The following CCL26 variants were observed in gnomAD, a reference collection of about 807,000 sequenced individuals.
CCL26 encodes C-C motif chemokine 26.
A neutral mutation model predicts 10.7 loss-of-function variants in CCL26; 10 were observed. The ratio of observed to expected loss-of-function variants is 0.93; its 90% CI spans 0.57 to 1.58. The LOEUF (loss-of-function observed/expected upper bound fraction) is 1.58, where lower values mean the gene tolerates loss of function less well. Among genes scored for constraint, CCL26 ranks in the 40% most tolerant of loss-of-function variants. The pLI is 0.00. For synonymous variants in CCL26, 43 were observed against 41.4 expected, an observed-to-expected ratio of 1.04 and a Z score of -0.15; for missense variants, 116 against 111.0, an observed-to-expected ratio of 1.05 and a Z score of -0.20.
At chr7:75,785,014 A>G (rs1309161779) in intron 1 of CCL26, among the ~76,000 whole-genome samples, 2 of 152,038 alleles carry the variant, frequency 1.3e-5, no homozygotes, top group Admixed American at 6.6e-5. Flanking sequence ...CAATTTCCCC[A>G]TTTTACCTGT....
chr7:75,786,947 G>T (rs1358118823), intron 1 of CCL26, among the ~76,000 whole-genome samples: 1 of 152,190 alleles, frequency 6.6e-6, no homozygotes, highest in Admixed American at 6.5e-5. Context: ...CATTTATCAG[G>T]GTTCCATCTG....
intron 1 of CCL26, among the ~76,000 whole-genome samples, chr7:75,786,894 C>G (rs573146216): frequency 1.4e-3 from 207 of 152,300 alleles, no homozygotes; most frequent in African/African-American, 4.8e-3. Context: ...CTCTTAGAAA[C>G]TCTCATTTCC....
At chr7:75,776,078 T>C, upstream of CCL26, among the ~76,000 whole-genome samples, 1 of 148,058 alleles carries the variant, frequency 6.8e-6, no homozygotes, top group Admixed American at 6.7e-5. Context: ...CTTTTTTTTT[T>C]TTTTTTTTTT....
intron 2 of CCL26, 30 bp from the exon 3 acceptor site, chr7:75,769,819 AT>A (rs1431177692): frequency 3.6e-6 from 5 of 1,375,138 alleles, no homozygotes; most frequent in Non-Finnish European, 5.2e-6. Flanking sequence ...ATAAGTCAAT[AT>A]TGAGACTCTT....
In CCL26 at chr7:75,771,989, A is replaced by G. The variant is rs1479982149; in HGVS notation, c.88T>C (p.Ser30Pro). 1 of 1,613,644 alleles carries G rather than the reference A, an allele frequency of 6.2e-7. No individual in the cohort carries two copies. Among genetic ancestry groups the G allele is most frequent in the East Asian group, 2.2e-5 (1 of 44,886 alleles). Residue 30 changes from serine (S) to proline (P), a missense_variant, in exon 2 of 3, where the codon TCC becomes CCC. Ser to Pro is a moderately conservative substitution (Grantham distance 74). Coordinates refer to ENST00000005180, the MANE Select transcript of CCL26 (RefSeq NM_001371938.1). ...LGTATRGSDI[S>P]KTCCFQYSHK... is the part of the protein sequence containing the mutation. ...CTGTATTGGAAGCAGCAGGTCTTGGATATGTCACTCCCACCTAAAAATCAG... is the reference window on the plus strand; with the variant it reads ...CTGTATTGGAAGCAGCAGGTCTTGGGTATGTCACTCCCACCTAAAAATCAG...
At chr7:75,770,393 T>A (rs1554527962) in intron 2 of CCL26, among the ~76,000 whole-genome samples, 14 of 151,404 alleles carry the variant, frequency 9.2e-5, no homozygotes. Flanking sequence ...ATTTTTTATT[T>A]TTTTTGAGAC....
At chr7:75,785,596 C>A (rs782398242) in intron 1 of CCL26, among the ~76,000 whole-genome samples, 1 of 152,186 alleles carries the variant, frequency 6.6e-6, no homozygotes, top group Non-Finnish European at 1.5e-5. Flanking sequence ...CCAACACCTT[C>A]TACTTAACAA....
At chr7:75,773,396 C>G (rs1802872216), upstream of CCL26, among the ~76,000 whole-genome samples, 1 of 151,658 alleles carries the variant, frequency 6.6e-6, no homozygotes, top group Non-Finnish European at 1.5e-5. Flanking sequence ...TGCACTCCAG[C>G]CTGGGCGACA....
intron 1 of CCL26, among the ~76,000 whole-genome samples, chr7:75,786,371 C>T (rs564481938): frequency 1.6e-4 from 24 of 152,236 alleles, no homozygotes; most frequent in African/African-American, 4.8e-4. Flanking sequence ...TTGAGGCTAC[C>T]GCTCTGCCTC....
At position 75,769,656 on chromosome 7, in the gene CCL26, C is replaced by T. The variant is rs781808680; in HGVS notation, c.*37G>A. On this transcript the variant is annotated 3_prime_UTR_variant, in exon 3 of 3. Transcript: ENST00000005180. The stretch of plus-strand genomic sequence containing the variant: ...CCCCAGAGGGCTGCAGAGCCAAGAG[C>T]GGGGTCCAAGCGTCCTCGGATGAAA... 7.3e-7 allele frequency: 1 copy of T among 1,367,238 alleles called. No homozygotes were observed. The highest frequency in any genetic ancestry group is 1.4e-5 in the African/African-American group (1 of 70,228). The allele number at this position is 1,367,238 out of a possible 1,614,324, so 84.7% of individuals were successfully genotyped here.
intron 1 of CCL26, 27 bp downstream of exon 1, chr7:75,772,077 C>G (rs562999632): frequency 6.2e-7 from 1 of 1,606,948 alleles, no homozygotes; most frequent in African/African-American, 1.3e-5. Context: ...GAAGGAACCC[C>G]AGGAGGGGAA....
At chr7:75,771,724 GAA>G (rs549524044) in intron 2 of CCL26, among the ~76,000 whole-genome samples, 163 bp downstream of exon 2, 1 of 151,078 alleles carries the variant, frequency 6.6e-6, no homozygotes, top group African/African-American at 2.4e-5. Flanking sequence ...CTCAAAAAGA[GAA>G]AAAAAAAGTC....
upstream of CCL26, among the ~76,000 whole-genome samples, chr7:75,776,068 CTTTTT>C (rs534170968): frequency 0.014 from 1,439 of 99,616 alleles, 19 homozygotes; most frequent in African/African-American, 0.04. Context: ...AGTTCACACT[CTTTTT>C]TTTTTTTTTT....
intron 1 of CCL26, among the ~76,000 whole-genome samples, chr7:75,787,338 T>C (rs1325548930): frequency 6.6e-6 from 1 of 152,116 alleles, no homozygotes; most frequent in Non-Finnish European, 1.5e-5. Context: ...AACGGACTAA[T>C]GGTTTTTTAA....
chr7:75,775,750 G>A (rs1023179738), upstream of CCL26, among the ~76,000 whole-genome samples: 4 of 152,198 alleles, frequency 2.6e-5, no homozygotes, highest in African/African-American at 9.6e-5. Context: ...GACTGCTGAA[G>A]GGATACGGGG....
At chr7:75,788,304 T>A (rs1803247528) in intron 1 of CCL26, among the ~76,000 whole-genome samples, 1 of 152,092 alleles carries the variant, frequency 6.6e-6, no homozygotes, top group Admixed American at 6.6e-5. Flanking sequence ...CATTACCTTG[T>A]GAAATTCCTT....
At chr7:75,772,223 G>T (rs1554528246), upstream of CCL26, 6 of 1,387,262 alleles carry the variant, frequency 4.3e-6, no homozygotes, top group South Asian at 2.5e-5. Flanking sequence ...AACTCCTCCT[G>T]CCTGATCCCC....
intron 1 of CCL26, among the ~76,000 whole-genome samples, chr7:75,782,710 A>G (rs1483932757): frequency 6.6e-6 from 1 of 152,140 alleles, no homozygotes; most frequent in African/African-American, 2.4e-5. Flanking sequence ...ATCCTACAAG[A>G]TCTAGATAAT....
At chr7:75,782,147 A>T (rs925327241) in intron 1 of CCL26, among the ~76,000 whole-genome samples, 6 of 151,852 alleles carry the variant, frequency 4.0e-5, no homozygotes, top group Non-Finnish European at 5.9e-5. Context: ...TTTCCTTTCA[A>T]TCTTGGCGCC....
Sources: allele counts gnomAD v4.1 joint callset (sites outside exome capture counted in the v4.1 genomes callset), GRCh38; gene constraint gnomAD v4.1.1; transcripts MANE v1.5; gene names NCBI Gene and HGNC (gene_info 2026-07-23, HGNC 2026-07-21).